TRAPPC9: variants seen among roughly 807,000 people sequenced by gnomAD.
TRAPPC9 encodes IKK2 binding protein.
A neutral mutation model predicts 124.0 loss-of-function variants in TRAPPC9; 83 were observed. The ratio of observed to expected loss-of-function variants is 0.67; its 90% CI spans 0.56 to 0.80. TRAPPC9 has a LOEUF of 0.80. TRAPPC9 is among the 30% of genes least tolerant of loss of function. The probability of loss-of-function intolerance (pLI) is 0.00; values close to 1 mark genes in which losing one functional copy is unlikely to be tolerated. For missense variants in TRAPPC9, 1,302 were observed against 1,508.3 expected, an observed-to-expected ratio of 0.86 and a Z score of 2.27; for synonymous variants, 638 against 617.5, an observed-to-expected ratio of 1.03 and a Z score of -0.49.
intron 21 of TRAPPC9, among the ~76,000 whole-genome samples, chr8:139,756,997 G>A (rs1819869062): frequency 7.3e-6 from 1 of 137,258 alleles, no homozygotes. Flanking sequence ...AGGACAGCAT[G>A]TCGCAGGAGG....
chr8:140,164,109 A>G (rs1587839108), intron 17 of TRAPPC9, among the ~76,000 whole-genome samples: 1 of 152,146 alleles, frequency 6.6e-6, no homozygotes, highest in Admixed American at 6.5e-5. Context: ...AAACACAGCG[A>G]CCACCCCCAC....
intron 21 of TRAPPC9, among the ~76,000 whole-genome samples, chr8:139,785,005 A>G (rs1040206480): frequency 2.0e-5 from 3 of 152,206 alleles, no homozygotes; most frequent in Non-Finnish European, 2.9e-5. Flanking sequence ...AATGGCCAAA[A>G]TATTACCTGA....
chr8:139,821,271 T>C (rs1206782722), intron 21 of TRAPPC9, among the ~76,000 whole-genome samples: 1 of 152,200 alleles, frequency 6.6e-6, no homozygotes, highest in South Asian at 2.1e-4. Flanking sequence ...GCAGCAACAA[T>C]GTGTTTCATT....
At chr8:140,411,483 A>G (rs1186258490) in intron 5 of TRAPPC9, among the ~76,000 whole-genome samples, 14 of 152,166 alleles carry the variant, frequency 9.2e-5, no homozygotes. Context: ...CTGGGACTAC[A>G]GGCACCCACC....
chr8:139,967,371 G>T (rs1457291494), intron 19 of TRAPPC9, among the ~76,000 whole-genome samples: 1 of 152,224 alleles, frequency 6.6e-6, no homozygotes, highest in Non-Finnish European at 1.5e-5. Flanking sequence ...GCTGCACTAA[G>T]TCACTAAGAT....
chr8:140,102,286 G>A (rs1267260610), intron 17 of TRAPPC9, among the ~76,000 whole-genome samples: 3 of 152,168 alleles, frequency 2.0e-5, no homozygotes, highest in Admixed American at 6.5e-5. Flanking sequence ...TATGTCTAAT[G>A]TGTTTTCCTG....
chr8:140,006,465 G>C (rs1455391457), intron 18 of TRAPPC9, among the ~76,000 whole-genome samples: 3 of 152,088 alleles, frequency 2.0e-5, no homozygotes, highest in Non-Finnish European at 4.4e-5. Flanking sequence ...TTTAAACATA[G>C]AGTTACCATA....
rs1563777112 is a variant in TRAPPC9, at chr8:140,122,023, T to TCTCTCTC, written c.2557-97945_2557-97944insGAGAGAG. ...GGAGTCCATCTCTTTCTTTCTTTCT[T>TCTCTCTC]TCTCTCTCTCTCTCTCTCTCTCTCT... On this transcript the variant is annotated intron_variant, in intron 17 of 22. Coordinates refer to ENST00000438773, the MANE Select transcript of TRAPPC9 (RefSeq NM_001160372.4). Among the ~76,000 whole-genome samples the TCTCTCTC allele has an allele frequency of 7.8e-3, 1,080 of 138,472 alleles. 7 individuals carry two copies. Among genetic ancestry groups the TCTCTCTC allele is most frequent in the Middle Eastern group, 0.019 (5 of 260 alleles). 90.8% of individuals were successfully genotyped at this position (138,472 alleles called of 152,430 possible).
At chr8:140,404,796 G>T (rs1227399942) in intron 6 of TRAPPC9, among the ~76,000 whole-genome samples, 1 of 150,302 alleles carries the variant, frequency 6.7e-6, no homozygotes, top group Non-Finnish European at 1.5e-5. Context: ...TTGTATGTAT[G>T]TGTGTGTGAA....
In TRAPPC9 at chr8:140,179,993, A is replaced by ATTTTTTTTTTTTTTTTTTTTTT. The variant is rs71520259; in HGVS notation, c.2556+41465_2556+41466insAAAAAAAAAAAAAAAAAAAAAA. Among the ~76,000 whole-genome samples the ATTTTTTTTTTTTTTTTTTTTTT allele has an allele frequency of 7.8e-5, 7 of 90,032 alleles. 1 individual carries two copies. The highest frequency in any genetic ancestry group is 6.0e-5 in the Non-Finnish European group (3 of 49,646). 59.1% of individuals were successfully genotyped at this position (90,032 alleles called of 152,430 possible). ...ATAAACAATTTATAGTTATATCTTGATTTTTTTTTTTTTTTTTTTTTGGCC... is the reference window on the plus strand; with the variant it reads ...ATAAACAATTTATAGTTATATCTTGATTTTTTTTTTTTTTTTTTTTTTTTTTTTTTTTTTTTTTTTTTTGGCC... On this transcript the variant is annotated intron_variant, in intron 17 of 22. Transcript: ENST00000438773.
At chr8:139,930,937 C>CT (rs1184443794) in intron 19 of TRAPPC9, among the ~76,000 whole-genome samples, 8 of 152,140 alleles carry the variant, frequency 5.3e-5, no homozygotes, top group Non-Finnish European at 8.8e-5. Flanking sequence ...GTGGTGCCCC[C>CT]TTTCATAGGT....
At chr8:140,154,204 C>G (rs2061593607) in intron 17 of TRAPPC9, among the ~76,000 whole-genome samples, 1 of 152,166 alleles carries the variant, frequency 6.6e-6, no homozygotes, top group Non-Finnish European at 1.5e-5. Flanking sequence ...ACTCCCCATC[C>G]AACGCCCAGG....
intron 21 of TRAPPC9, among the ~76,000 whole-genome samples, chr8:139,854,304 G>C (rs567270621): frequency 6.6e-6 from 1 of 152,330 alleles, no homozygotes; most frequent in South Asian, 2.1e-4. Flanking sequence ...AGGGGTGGCT[G>C]GTTCCCTGGA....
chr8:140,197,294 C>T (rs187875442), intron 17 of TRAPPC9, among the ~76,000 whole-genome samples: 2 of 152,298 alleles, frequency 1.3e-5, no homozygotes, highest in Admixed American at 1.3e-4. Flanking sequence ...TAACACGAGC[C>T]GATGTTAACA....
intron 17 of TRAPPC9, among the ~76,000 whole-genome samples, chr8:140,137,141 C>A (rs1358661487): frequency 6.6e-6 from 1 of 152,088 alleles, no homozygotes; most frequent in East Asian, 1.9e-4. Context: ...CAATGCACAC[C>A]CACCATGGCC....
rs114696581 is a variant in TRAPPC9, at chr8:140,042,085, A to C, written c.2557-18006T>G. 9.6e-3 allele frequency among the ~76,000 whole-genome samples: 1,461 copies of C among 152,344 alleles called. 23 individuals carry two copies. Among genetic ancestry groups the C allele is most frequent in the African/African-American group, 0.033 (1,381 of 41,572 alleles). On this transcript the variant is annotated intron_variant, in intron 17 of 22. Coordinates refer to ENST00000438773, the MANE Select transcript of TRAPPC9 (RefSeq NM_001160372.4). ...GTTTATGACATAACACTATTGTACT[A>C]ATGTCGAAGGTCATGGGTGTGACAA...
At chr8:139,908,148 GAC>G (rs546140440) in intron 20 of TRAPPC9, among the ~76,000 whole-genome samples, 60 of 152,262 alleles carry the variant, frequency 3.9e-4, no homozygotes, top group African/African-American at 1.4e-3. Flanking sequence ...GAAGCGTGGG[GAC>G]ACAGAGGTCA....
At chr8:139,951,041 G>A (rs973643823) in intron 19 of TRAPPC9, among the ~76,000 whole-genome samples, 20 of 152,142 alleles carry the variant, frequency 1.3e-4, no homozygotes, top group African/African-American at 3.9e-4. Flanking sequence ...ACCCAGGCGC[G>A]CACATCCCCA....
chr8:139,893,387 C>T (rs1185343252), intron 20 of TRAPPC9, among the ~76,000 whole-genome samples: 1 of 152,194 alleles, frequency 6.6e-6, no homozygotes, highest in African/African-American at 2.4e-5. Flanking sequence ...CAACCATGCC[C>T]CTCAGGGGAG....
Sources: allele counts gnomAD v4.1 joint callset (sites outside exome capture counted in the v4.1 genomes callset), GRCh38; gene constraint gnomAD v4.1.1; transcripts MANE v1.5; gene names NCBI Gene and HGNC (gene_info 2026-07-23, HGNC 2026-07-21).